Variants in SBF2 observed in about 807,000 individuals in gnomAD.
SBF2 encodes the protein myotubularin-related protein 13.
In SBF2, 112 loss-of-function variants were observed where a neutral mutation model predicts 225.2. The observed-to-expected ratio is 0.50, with a 90% CI of 0.43 to 0.58. The LOEUF is 0.58. SBF2 is among the 20% of genes least tolerant of loss of function. The pLI is 0.00. For missense variants in SBF2, 1,996 were observed against 2,206.2 expected, an observed-to-expected ratio of 0.90 and a Z score of 1.91; for synonymous variants, 763 against 773.3, an observed-to-expected ratio of 0.99 and a Z score of 0.22.
intron 1 of SBF2, among the ~76,000 whole-genome samples, chr11:10,260,702 C>CAAAA (rs56816687): frequency 2.0e-3 from 121 of 60,874 alleles, no homozygotes; most frequent in African/African-American, 6.9e-3. Context: ...GATTCCATCT[C>CAAAA]AAAAAAAAAA....
chr11:10,213,872 T>TA (rs1382759630), intron 1 of SBF2, among the ~76,000 whole-genome samples: 10 of 152,186 alleles, frequency 6.6e-5, no homozygotes, highest in Admixed American at 3.3e-4. Context: ...TAACTCAACT[T>TA]ACACCTATGA....
chr11:10,165,927 C>T (rs78465779), intron 2 of SBF2, among the ~76,000 whole-genome samples: 1 of 152,210 alleles, frequency 6.6e-6, no homozygotes, highest in East Asian at 1.9e-4. Flanking sequence ...TAGCATATGT[C>T]AAGTTAATGG....
chr11:10,051,848 G>A (rs932047324), intron 2 of SBF2, among the ~76,000 whole-genome samples: 1 of 152,074 alleles, frequency 6.6e-6, no homozygotes, highest in South Asian at 2.1e-4. Context: ...AGATTTGGGA[G>A]TATCAGAATA....
chr11:10,296,704 T>C (rs1204085900), upstream of SBF2, among the ~76,000 whole-genome samples: 3 of 152,204 alleles, frequency 2.0e-5, no homozygotes, highest in African/African-American at 7.2e-5. Flanking sequence ...TGCATGTACA[T>C]GTATTTGAGT....
chr11:9,995,997 T>C (rs1295358404), intron 9 of SBF2, among the ~76,000 whole-genome samples: 3 of 152,108 alleles, frequency 2.0e-5, no homozygotes, highest in Non-Finnish European at 4.4e-5. Flanking sequence ...CATTAAGTAG[T>C]ATCTAATCCA....
chr11:10,045,238 G>A (rs1282919460), intron 2 of SBF2, among the ~76,000 whole-genome samples: 1 of 151,586 alleles, frequency 6.6e-6, no homozygotes, highest in Non-Finnish European at 1.5e-5. Context: ...CACGATCTTG[G>A]CTCACTGCAA....
chr11:10,027,605 G>A (rs1049318592), intron 6 of SBF2, among the ~76,000 whole-genome samples: 1 of 152,202 alleles, frequency 6.6e-6, no homozygotes, highest in African/African-American at 2.4e-5. Flanking sequence ...AGCAATGAGA[G>A]TGGGACACTC....
At chr11:10,279,829 T>C (rs1342661264) in intron 1 of SBF2, among the ~76,000 whole-genome samples, 1 of 152,136 alleles carries the variant, frequency 6.6e-6, no homozygotes, top group Admixed American at 6.5e-5. Context: ...TTGGTATTGT[T>C]AGTAGAGACA....
At chr11:9,876,088 C>G (rs922939227) in intron 17 of SBF2, among the ~76,000 whole-genome samples, 1 of 152,136 alleles carries the variant, frequency 6.6e-6, no homozygotes, top group Non-Finnish European at 1.5e-5. Context: ...ATTAAACGAT[C>G]TGGTCACATC....
rs761712520 is a variant in SBF2 at position 9,847,014 on chromosome 11, T to C, written c.2876A>G (p.Gln959Arg). The change falls in exon 23 of 40, where the codon CAG becomes CGG. Residue 959 changes from glutamine (Q) to arginine (R), a missense_variant. Coordinates refer to ENST00000256190, the MANE Select transcript of SBF2 (RefSeq NM_030962.4). ...TTGCATGTTCTGCTGTAGCTGGTTC[T>C]GCATTGTAATCTTCTTCTCCTTGGT... ...SITKEKKITM[Q>R]NQLQQNMQEG... The C allele has an allele frequency of 1.9e-6, 3 of 1,613,906 alleles. No individual in the cohort carries two copies. Among genetic ancestry groups the C allele is most frequent in the South Asian group, 2.2e-5 (2 of 91,088 alleles).
intron 16 of SBF2, among the ~76,000 whole-genome samples, chr11:9,939,207 T>A (rs1865098141): frequency 6.6e-6 from 1 of 152,208 alleles, no homozygotes; most frequent in Non-Finnish European, 1.5e-5. Context: ...GCGAGTCTCC[T>A]GCCTCAGCCT....
At chr11:10,223,472 AAAG>A (rs1290923395) in intron 1 of SBF2, among the ~76,000 whole-genome samples, 8 of 141,806 alleles carry the variant, frequency 5.6e-5, no homozygotes, top group African/African-American at 2.1e-4. Context: ...AAGCTACAGA[AAAG>A]AAAACGTTTT....
At chr11:10,027,903 T>C (rs1200832745) in intron 6 of SBF2, among the ~76,000 whole-genome samples, 1 of 152,148 alleles carries the variant, frequency 6.6e-6, no homozygotes, top group African/African-American at 2.4e-5. Flanking sequence ...ATGCAAAATA[T>C]ATCATCTATT....
intron 16 of SBF2, among the ~76,000 whole-genome samples, chr11:9,906,026 T>A (rs1862087577): frequency 6.6e-6 from 1 of 152,176 alleles, no homozygotes; most frequent in Non-Finnish European, 1.5e-5. Flanking sequence ...TCTCTATGGA[T>A]TATATATAAT....
intron 2 of SBF2, among the ~76,000 whole-genome samples, chr11:10,159,008 T>C (rs1352943844): frequency 6.6e-6 from 1 of 152,202 alleles, no homozygotes; most frequent in East Asian, 1.9e-4. Flanking sequence ...ATAAAGTCTA[T>C]ATATGTCAAG....
intron 13 of SBF2, among the ~76,000 whole-genome samples, chr11:9,983,578 C>T (rs1189380162): frequency 6.6e-6 from 1 of 152,186 alleles, no homozygotes; most frequent in Admixed American, 6.5e-5. Context: ...CACTACTACA[C>T]CTGATGCTTT....
At position 9,858,406 on chromosome 11, in the gene SBF2, C is replaced by G; in HGVS notation, c.1930-10G>C. On this transcript the variant is annotated splice_polypyrimidine_tract_variant and intron_variant, in intron 17 of 39. Coordinates refer to ENST00000256190, the MANE Select transcript of SBF2 (RefSeq NM_030962.4). ...CTCCAGGGGCAAGTTTCTGTGAGAA[C>G]ACACAAAATACATCATCATGGGGCT... 7 of 1,614,018 alleles carry G rather than the reference C, an allele frequency of 4.3e-6. No homozygotes were observed. The highest frequency in any genetic ancestry group is 1.1e-5 in the South Asian group (1 of 91,084).
At chr11:10,272,157 G>C in intron 1 of SBF2, 1 of 1,131,550 alleles carries the variant, frequency 8.8e-7, no homozygotes, top group East Asian at 2.6e-5. Context: ...TACTGTTGAA[G>C]CTCTGCAGCT....
intron 2 of SBF2, among the ~76,000 whole-genome samples, chr11:10,118,096 C>A (rs777011072): frequency 6.6e-6 from 1 of 152,174 alleles, no homozygotes; most frequent in East Asian, 1.9e-4. Flanking sequence ...TGCCTTGATT[C>A]ATTATTAGAA....
Sources: allele counts gnomAD v4.1 joint callset (sites outside exome capture counted in the v4.1 genomes callset), GRCh38; gene constraint gnomAD v4.1.1; transcripts MANE v1.5; gene names NCBI Gene and HGNC (gene_info 2026-07-23, HGNC 2026-07-21).